The following CALD1 variants were observed in gnomAD, a reference collection of about 807,000 sequenced individuals.
CALD1 encodes the protein caldesmon.
In CALD1, 33 loss-of-function variants were observed where a neutral mutation model predicts 99.9. The observed-to-expected ratio is 0.33, with a 90% CI of 0.25 to 0.44. The LOEUF (loss-of-function observed/expected upper bound fraction) is 0.44, where lower values mean the gene tolerates loss of function less well. Ranked by LOEUF, CALD1 falls within the 20% of genes least tolerant of loss-of-function variation. The probability of loss-of-function intolerance (pLI) is 1.00; values close to 1 mark genes in which losing one functional copy is unlikely to be tolerated. For synonymous variants in CALD1, 310 were observed against 325.0 expected (o/e 0.95, Z 0.50); for missense variants, 861 against 962.1 (o/e 0.89, Z 1.39).
Position 134,968,422 on chromosome 7 carries a change from T to C in CALD1, c.*77T>C. The C allele has an allele frequency of 7.9e-7, 1 of 1,264,300 alleles. No individual in the cohort carries two copies. The highest frequency in any genetic ancestry group is 1.2e-6 in the Non-Finnish European group (1 of 862,552). 78.3% of individuals were successfully genotyped at this position (1,264,300 alleles called of 1,614,324 possible). A position where few individuals can be genotyped will look rare whatever the true frequency, so the allele number is the denominator to read the frequency against. ...GAGGGCTAATTCGCTCTGTTTTGTATTTATGTTGATTTACTAAATTGGGTT... is the reference window on the plus strand; with the variant it reads ...GAGGGCTAATTCGCTCTGTTTTGTACTTATGTTGATTTACTAAATTGGGTT... On this transcript the variant is annotated 3_prime_UTR_variant, in exon 15 of 15. Transcript: ENST00000361675.
intron 1 of CALD1, among the ~76,000 whole-genome samples, chr7:134,791,827 G>A (rs1037041525): frequency 2.6e-5 from 4 of 152,124 alleles, no homozygotes; most frequent in Non-Finnish European, 5.9e-5. Flanking sequence ...CCACATGATT[G>A]GGGAGGCCTC....
Position 134,960,147 on chromosome 7 carries a change from G to T in CALD1, c.2199+36G>T, listed in dbSNP as rs527525451. ...GATTTTTGTCTCTTAAGTGTAGAGG[G>T]GCATATTTTTTTGCATGTCGATTTT... is the stretch of plus-strand genomic sequence containing the variant. On this transcript the variant is annotated intron_variant, in intron 12 of 14. Coordinates refer to ENST00000361675, the MANE Select transcript of CALD1 (RefSeq NM_033138.4). 9.3e-6 allele frequency: 15 copies of T among 1,607,692 alleles called. No homozygotes were observed. The South Asian group carries it at 1.6e-4, about 17-fold the overall frequency.
intron 1 of CALD1, among the ~76,000 whole-genome samples, chr7:134,823,731 C>A (rs1452170135): frequency 2.6e-5 from 4 of 152,082 alleles, no homozygotes; most frequent in African/African-American, 7.2e-5. Context: ...GAATATGGAG[C>A]CTTTGATGTC....
At chr7:134,797,780 C>T (rs1017205125) in intron 1 of CALD1, among the ~76,000 whole-genome samples, 9 of 152,052 alleles carry the variant, frequency 5.9e-5, no homozygotes, top group Non-Finnish European at 1.0e-4. Context: ...TTAGTAGAGA[C>T]GGGGTTTCAC....
intron 1 of CALD1, among the ~76,000 whole-genome samples, chr7:134,801,253 A>G (rs996581773): frequency 1.3e-5 from 2 of 152,184 alleles, no homozygotes; most frequent in African/African-American, 4.8e-5. Context: ...TTTTCCCTCA[A>G]AACTATCCGT....
intron 3 of CALD1, among the ~76,000 whole-genome samples, chr7:134,874,946 C>T (rs150783685): frequency 1.3e-5 from 2 of 152,310 alleles, no homozygotes; most frequent in East Asian, 1.9e-4. Flanking sequence ...CCCTCACACA[C>T]GCAAACCCAA....
At chr7:134,767,178 T>A (rs551368417) in intron 1 of CALD1, among the ~76,000 whole-genome samples, 80 of 140,280 alleles carry the variant, frequency 5.7e-4, no homozygotes, top group African/African-American at 1.9e-3. Context: ...GTACACACAC[T>A]CTCTCTCTCT....
chr7:134,869,043 C>T (rs1163007044), intron 3 of CALD1, among the ~76,000 whole-genome samples: 1 of 152,102 alleles, frequency 6.6e-6, no homozygotes, highest in Non-Finnish European at 1.5e-5. Context: ...TAACCATTAT[C>T]ACTAGCCAAA....
At chr7:134,813,303 G>A (rs1042207056) in intron 1 of CALD1, among the ~76,000 whole-genome samples, 1 of 148,760 alleles carries the variant, frequency 6.7e-6, no homozygotes, top group Non-Finnish European at 1.5e-5. Context: ...AGAGTTGTAT[G>A]GGTTTAATGA....
intron 3 of CALD1, among the ~76,000 whole-genome samples, chr7:134,886,743 C>T (rs1801869749): frequency 6.6e-6 from 1 of 152,136 alleles, no homozygotes; most frequent in Non-Finnish European, 1.5e-5. Context: ...ATAAATTGAG[C>T]GTGAGAGTGA....
At chr7:134,779,588 T>C (rs1797023298), upstream of CALD1, 1 of 398,330 alleles carries the variant, frequency 2.5e-6, no homozygotes, top group Non-Finnish European at 4.4e-6. Flanking sequence ...CATGGACTTC[T>C]GGGAGGGGCC....
chr7:134,797,381 T>C (rs1248075598), intron 1 of CALD1, among the ~76,000 whole-genome samples: 1 of 152,240 alleles, frequency 6.6e-6, no homozygotes, highest in Admixed American at 6.5e-5. Flanking sequence ...TCTAAAATTG[T>C]CTTTTATCAG....
At chr7:134,960,887 G>T in intron 13 of CALD1, 1 of 284,264 alleles carries the variant, frequency 3.5e-6, no homozygotes, top group Non-Finnish European at 6.5e-6. Flanking sequence ...TACTGAGGCA[G>T]TTCAAATTTA....
chr7:134,804,614 T>C (rs1445662664), intron 1 of CALD1, among the ~76,000 whole-genome samples: 1 of 152,240 alleles, frequency 6.6e-6, no homozygotes, highest in East Asian at 1.9e-4. Flanking sequence ...TTTATACTCT[T>C]GTTTTGATGA....
chr7:134,836,683 G>A (rs988440899), intron 1 of CALD1, among the ~76,000 whole-genome samples: 5 of 152,158 alleles, frequency 3.3e-5, no homozygotes, highest in African/African-American at 7.2e-5. Flanking sequence ...AAACACTGAC[G>A]TCAGCTACTT....
chr7:134,947,890 G>A, intron 8 of CALD1, 121 bp downstream of exon 8: 1 of 1,182,166 alleles, frequency 8.5e-7, no homozygotes, highest in Non-Finnish European at 1.2e-6. Flanking sequence ...CTTACCATGT[G>A]CTAGGTACTG....
At position 134,928,848 on chromosome 7, in the gene CALD1, G is replaced by A. The variant is rs1455222760; in HGVS notation, c.166G>A (p.Glu56Lys). The A allele has an allele frequency of 6.2e-7, 1 of 1,614,044 alleles. No individual in the cohort carries two copies. Among genetic ancestry groups the A allele is most frequent in the Non-Finnish European group, 8.5e-7 (1 of 1,179,956 alleles). ...GGAACGGCTGCGGCAGAAGCAGGAGGAAGAATCCTTGGGACAGGTGACCGA... is the reference window on the plus strand; with the variant it reads ...GGAACGGCTGCGGCAGAAGCAGGAGAAAGAATCCTTGGGACAGGTGACCGA... Reference protein sequence around the residue: ...RQERLRQKQEEESLGQVTDQV... With the variant: ...RQERLRQKQEKESLGQVTDQV... Residue 56 changes from glutamate (E) to lysine (K), a missense_variant, in exon 4 of 15, where the codon GAA becomes AAA. Glu to Lys is a moderately conservative substitution (Grantham distance 56). Transcript: ENST00000361675.
intron 3 of CALD1, among the ~76,000 whole-genome samples, chr7:134,925,712 A>G (rs781338838): frequency 2.7e-4 from 41 of 152,138 alleles, no homozygotes; most frequent in Non-Finnish European, 4.1e-4. Context: ...CTCCCACCAC[A>G]TTCCTTCCTC....
chr7:134,774,086 A>T (rs1562993275), intron 1 of CALD1, among the ~76,000 whole-genome samples: 2 of 151,500 alleles, frequency 1.3e-5, no homozygotes. Flanking sequence ...AGGAGAATTG[A>T]TTGAACCCAG....
Sources: gnomAD v4.1 joint callset for allele counts (sites outside exome capture counted in the v4.1 genomes callset) on GRCh38, gnomAD v4.1.1 for gene constraint, MANE v1.5 for transcripts, NCBI Gene and HGNC (gene_info 2026-07-23, HGNC 2026-07-21) for gene names.